The following CALR3 variants were observed in gnomAD, a reference collection of about 807,000 sequenced individuals.
The protein encoded by CALR3 is calreticulin-3.
Under a neutral mutation model 48.7 loss-of-function variants are expected in CALR3, and 39 were observed. The observed-to-expected ratio is 0.80, with a 90% CI of 0.62 to 1.05. The LOEUF (loss-of-function observed/expected upper bound fraction) is 1.05. Ranked by LOEUF, CALR3 falls within the 50% of genes least tolerant of loss-of-function variation. The pLI is 0.00. For synonymous variants in CALR3, 185 were observed against 172.7 expected (o/e 1.07, Z -0.56); for missense variants, 449 against 474.7 (o/e 0.95, Z 0.50).
In CALR3 at chr19:16,490,567, A is replaced by G; in HGVS notation, c.197T>C (p.Leu66Pro). 1 of 1,614,046 alleles carries G rather than the reference A, an allele frequency of 6.2e-7. No individual in the cohort carries two copies. Among genetic ancestry groups the G allele is most frequent in the Non-Finnish European group, 8.5e-7 (1 of 1,179,954 alleles). The change falls in exon 3 of 9, where the codon CTG (leucine) becomes CCG (proline). Residue 66 changes from leucine to proline, a missense_variant. Transcript: ENST00000269881. Reference protein sequence around the residue: ...FYGHKEKDKGLQTTQNGRFYA... With the variant: ...FYGHKEKDKGPQTTQNGRFYA... Reference sequence around the variant, plus strand: ...GAATCGGCCATTCTGAGTGGTTTGCAGACCTTTGAACAAAATATACTCATG... The same window carrying G: ...GAATCGGCCATTCTGAGTGGTTTGCGGACCTTTGAACAAAATATACTCATG...
intron 2 of CALR3, among the ~76,000 whole-genome samples, chr19:16,494,585 C>T (rs186153894): frequency 6.6e-6 from 1 of 151,784 alleles, no homozygotes; most frequent in East Asian, 2.0e-4. Context: ...TGGTTTTGAA[C>T]TCCTGACCTC....
rs757479953 is a variant in CALR3 at position 16,482,459 on chromosome 19, C to A, written c.909G>T (p.Glu303Asp). 23 of 1,614,212 alleles carry A rather than the reference C, an allele frequency of 1.4e-5. No individual in the cohort carries two copies. In the South Asian group the frequency reaches 2.5e-4, roughly 18 times the overall value. Residue 303 changes from glutamate to aspartate, a missense_variant, in exon 7 of 9, where the codon GAG becomes GAT. Coordinates refer to ENST00000269881, the MANE Select transcript of CALR3 (RefSeq NM_145046.5). Reference protein sequence around the residue: ...EFENIGAIGLELWQVRSGTIF... With the variant: ...EFENIGAIGLDLWQVRSGTIF... ...GTTAAAACCAAATGACCTGCCAAAG[C>A]TCCAGGCCAATGGCACCAATGTTCT...
rs12459647 is a variant in CALR3 at position 16,479,360 on chromosome 19, T to G, written c.1012-86A>C. ...CAGCACTTTGGGAGGCCGAGGCAGA[T>G]GGATCACGAAGTCAGGAGATCGAGA... On this transcript the variant is annotated intron_variant, in intron 8 of 8. Transcript: ENST00000269881. 0.7 allele frequency: 1,046,054 copies of G among 1,499,184 alleles called. 366,381 individuals carry two copies. The highest frequency in any genetic ancestry group is 0.77 in the Middle Eastern group (4,283 of 5,552). The allele number at this position is 1,499,184 out of a possible 1,614,324, so 92.9% of individuals were successfully genotyped here. A position where few individuals can be genotyped will look rare whatever the true frequency, so the allele number is the denominator to read the frequency against.
At chr19:16,495,720 A>T in intron 2 of CALR3, 31 bp downstream of exon 2, 1 of 1,531,740 alleles carries the variant, frequency 6.5e-7, no homozygotes, top group Non-Finnish European at 9.0e-7. Context: ...ATGTAACATT[A>T]GGCTCAATTT....
chr19:16,479,428 A>AC (rs1479775614), intron 8 of CALR3, among the ~76,000 whole-genome samples, 154 bp from the exon 9 acceptor site: 48 of 79,958 alleles, frequency 6.0e-4, no homozygotes, highest in Admixed American at 1.7e-3. Context: ...TACCAAAAAT[A>AC]CAAAAAAAAA....
intron 2 of CALR3, among the ~76,000 whole-genome samples, chr19:16,493,668 A>G (rs541246738): frequency 7.6e-5 from 11 of 145,182 alleles, no homozygotes; most frequent in African/African-American, 2.3e-4. Flanking sequence ...TCCTGCCTCA[A>G]TCTCTCAAGT....
chr19:16,496,012 C>A (rs779636226), intron 1 of CALR3, 27 bp downstream of exon 1: 1 of 1,577,352 alleles, frequency 6.3e-7, no homozygotes, highest in East Asian at 2.3e-5. Context: ...GCTTACACCT[C>A]CGCCACCACG....
At position 16,496,140 on chromosome 19, in the gene CALR3, A is replaced by C. The variant is rs371362207; in HGVS notation, c.-11T>G. ...CAAAGCCCGGGCCATGGGGGTGTGC[A>C]CTGCGCTTCCGGTCGCCGCCACCCC... On this transcript the variant is annotated 5_prime_UTR_variant, in exon 1 of 9. Transcript: ENST00000269881. 20 of 1,588,966 alleles carry C rather than the reference A, an allele frequency of 1.3e-5. No homozygotes were observed. In the African/African-American group the frequency reaches 1.7e-4, roughly 14 times the overall value.
chr19:16,493,016 G>A (rs2093400441), intron 2 of CALR3, among the ~76,000 whole-genome samples: 1 of 152,124 alleles, frequency 6.6e-6, no homozygotes, highest in African/African-American at 2.4e-5. Context: ...GGGTAACAAG[G>A]GTGAAACTCT....
chr19:16,495,891 A>G (rs555848350), intron 1 of CALR3, 39 bp from the exon 2 acceptor site: 4 of 1,599,420 alleles, frequency 2.5e-6, no homozygotes, highest in Non-Finnish European at 3.4e-6. Context: ...AGAGGTGATA[A>G]TGGTTAATTT....
chr19:16,485,331 C>CT (rs769813201), intron 3 of CALR3, 74 bp from the exon 4 acceptor site: 58,318 of 696,364 alleles, frequency 0.084, no homozygotes, highest in East Asian at 0.1. Flanking sequence ...CACAACCATT[C>CT]TTTTTTTTTT....
intron 3 of CALR3, among the ~76,000 whole-genome samples, chr19:16,487,000 C>CTTTA (rs879418367): frequency 0.014 from 2,122 of 152,004 alleles, 50 homozygotes; most frequent in African/African-American, 0.048. Context: ...ATATAGGGGT[C>CTTTA]TTTATTTATT....
At chr19:16,485,609 C>T (rs1031739678) in intron 3 of CALR3, among the ~76,000 whole-genome samples, 1 of 151,782 alleles carries the variant, frequency 6.6e-6, no homozygotes, top group Admixed American at 6.6e-5. Context: ...TGAAACACCA[C>T]GTGCAGTCCA....
At chr19:16,490,865 C>T (rs1240866452) in intron 2 of CALR3, among the ~76,000 whole-genome samples, 1 of 151,430 alleles carries the variant, frequency 6.6e-6, no homozygotes, top group African/African-American at 2.4e-5. Context: ...TCAAGTGATT[C>T]TCCTGCCTCA....
chr19:16,490,761 TA>T (rs1372414107), intron 2 of CALR3, among the ~76,000 whole-genome samples, 191 bp from the exon 3 acceptor site: 2 of 74,580 alleles, frequency 2.7e-5, no homozygotes, highest in African/African-American at 3.9e-5. Context: ...TGCTTCTATA[TA>T]ATTTTTTTTT....
intron 8 of CALR3, 78 bp from the exon 9 acceptor site, chr19:16,479,352 G>A (rs1298408499): frequency 1.7e-5 from 26 of 1,525,302 alleles, no homozygotes; most frequent in African/African-American, 5.5e-5. Context: ...TTGGGAGGCC[G>A]AGGCAGATGG....
At position 16,490,549 on chromosome 19, in the gene CALR3, C is replaced by T. The variant is rs182376945; in HGVS notation, c.215G>A (p.Gly72Asp). The change falls in exon 3 of 9, where the codon GGC becomes GAC. Residue 72 changes from glycine (G) to aspartate (D), a missense_variant. Physicochemically the swap from Gly to Asp is moderately conservative, Grantham distance 94. Coordinates refer to ENST00000269881, the MANE Select transcript of CALR3 (RefSeq NM_145046.5). ...KDKGLQTTQN[G>D]RFYAISARFK... ...GCGTGCAGAGATGGCATAGAATCGG[C>T]CATTCTGAGTGGTTTGCAGACCTTT... 1.1e-4 allele frequency: 170 copies of T among 1,614,048 alleles called. No individual in the cohort carries two copies. In the Admixed American group the frequency reaches 1.2e-3, roughly 12 times the overall value.
At chr19:16,485,393 C>T (rs980894862) in intron 3 of CALR3, 136 bp from the exon 4 acceptor site, 19 of 643,306 alleles carry the variant, frequency 3.0e-5, no homozygotes, top group Non-Finnish European at 5.0e-5. Context: ...GATCTTGGCT[C>T]ACGGAAACTT....
chr19:16,493,542 A>ATTTTTTTTTTTTTTTTTTTTTTTTTTTT (rs3032114), intron 2 of CALR3, among the ~76,000 whole-genome samples: 1 of 72,928 alleles, frequency 1.4e-5, no homozygotes, highest in Non-Finnish European at 2.7e-5. Flanking sequence ...TGAAGCTAGA[A>ATTTTTTTTTTTTTTTTTTTTTTTTTTTT]TTTTTTTTTT....
Sources: allele counts gnomAD v4.1 joint callset (sites outside exome capture counted in the v4.1 genomes callset), GRCh38; gene constraint gnomAD v4.1.1; transcripts MANE v1.5; gene names NCBI Gene and HGNC (gene_info 2026-07-23, HGNC 2026-07-21).